The following SLC25A16 variants were observed in gnomAD, a reference collection of about 807,000 sequenced individuals.
The protein encoded by SLC25A16 is mitochondrial coenzyme A transporter SLC25A16.
SLC25A16 carries 39 observed loss-of-function variants against 41.5 expected under a neutral mutation model. The observed-to-expected ratio is 0.94, with a 90% CI of 0.73 to 1.23. The LOEUF is 1.23. Ranked by LOEUF, SLC25A16 falls within the 50% of genes most tolerant of loss-of-function variation. The pLI is 0.00. For missense variants in SLC25A16, 421 were observed against 426.9 expected (o/e 0.99, Z 0.12); for synonymous variants, 146 against 147.8 (o/e 0.99, Z 0.09).
intron 2 of SLC25A16, among the ~76,000 whole-genome samples, chr10:68,512,417 C>CA (rs1269582672): frequency 3.3e-5 from 3 of 90,752 alleles, no homozygotes; most frequent in African/African-American, 1.0e-4. Flanking sequence ...GCGGGCGGAT[C>CA]ACGAGGTCAG....
chr10:68,521,820 A>G (rs188928822), intron 1 of SLC25A16, among the ~76,000 whole-genome samples: 3,650 of 150,758 alleles, frequency 0.024, 153 homozygotes, highest in African/African-American at 0.084. Flanking sequence ...GATGGTCTCG[A>G]TCTCCTGACC....
chr10:68,495,704 C>T (rs1352370906), intron 4 of SLC25A16, among the ~76,000 whole-genome samples: 4 of 139,954 alleles, frequency 2.9e-5, no homozygotes, highest in Non-Finnish European at 6.1e-5. Context: ...AATCCTTGAA[C>T]CCGGGAGGCA....
At chr10:68,504,564 T>A (rs1209091616) in intron 3 of SLC25A16, among the ~76,000 whole-genome samples, 1 of 150,922 alleles carries the variant, frequency 6.6e-6, no homozygotes, top group Non-Finnish European at 1.5e-5. Context: ...GCCTCCTGAG[T>A]AGCTGGGTTT....
At chr10:68,489,765 G>T (rs999929070) in intron 6 of SLC25A16, among the ~76,000 whole-genome samples, 1 of 151,934 alleles carries the variant, frequency 6.6e-6, no homozygotes, top group Non-Finnish European at 1.5e-5. Flanking sequence ...GCTGGGTGTG[G>T]TGGTGCGCGC....
At chr10:68,491,705 AC>A (rs1437879293) in intron 6 of SLC25A16, among the ~76,000 whole-genome samples, 1 of 152,038 alleles carries the variant, frequency 6.6e-6, no homozygotes, top group East Asian at 1.9e-4. Context: ...TTGTTACCTG[AC>A]CTCCTGAGAA....
chr10:68,493,065 GAA>G (rs11288507), intron 6 of SLC25A16, 65 bp downstream of exon 6: 43,635 of 766,188 alleles, frequency 0.057, 776 homozygotes, highest in African/African-American at 0.15. Flanking sequence ...TACCATTTCA[GAA>G]AAAAAAAAAA....
rs1348012566 is a variant in SLC25A16, at chr10:68,521,624, C to T, written c.131-4781G>A. On this transcript the variant is annotated intron_variant, in intron 1 of 8. Coordinates refer to ENST00000609923, the MANE Select transcript of SLC25A16 (RefSeq NM_152707.4). The stretch of plus-strand genomic sequence containing the variant: ...TTTTTTTTTTTTTGAGACGGAGTCT[C>T]GCTCTGTCGCCCAGGCTGGAGTGCA... Among the ~76,000 whole-genome samples the T allele has an allele frequency of 7.3e-5, 10 of 137,230 alleles. No homozygotes were observed. The East Asian group carries it at 2.0e-3, about 27-fold the overall frequency. 90.0% of individuals were successfully genotyped at this position (137,230 alleles called of 152,430 possible).
chr10:68,489,729 T>C (rs892125649), intron 6 of SLC25A16, among the ~76,000 whole-genome samples: 1 of 151,756 alleles, frequency 6.6e-6, no homozygotes, highest in Non-Finnish European at 1.5e-5. Context: ...GGTGAAACCC[T>C]GTCTCTACAA....
rs1490331547 is a variant in SLC25A16 at position 68,491,257 on chromosome 10, G to C, written c.610+1875C>G. Among the ~76,000 whole-genome samples the C allele has an allele frequency of 2.0e-5, 3 of 148,626 alleles. No individual in the cohort carries two copies. In the Admixed American group the frequency reaches 2.0e-4, roughly 10 times the overall value. The stretch of plus-strand genomic sequence containing the variant: ...TTTTTCTTTTTTGAGACAGAGTTTT[G>C]CTCTTGTGGCCCAGACTGGAGTGCG... On this transcript the variant is annotated intron_variant, in intron 6 of 8. Coordinates refer to ENST00000609923, the MANE Select transcript of SLC25A16 (RefSeq NM_152707.4).
chr10:68,508,895 C>T (rs2053006249), intron 2 of SLC25A16, among the ~76,000 whole-genome samples: 1 of 152,074 alleles, frequency 6.6e-6, no homozygotes, highest in Non-Finnish European at 1.5e-5. Flanking sequence ...GAGGGGGTTT[C>T]AACTACACTG....
intron 2 of SLC25A16, among the ~76,000 whole-genome samples, chr10:68,509,299 T>C (rs1479641227): frequency 1.3e-5 from 2 of 152,098 alleles, no homozygotes; most frequent in African/African-American, 4.8e-5. Flanking sequence ...CCAGCGACAC[T>C]GCACTCCAGC....
chr10:68,493,304 C>A, intron 5 of SLC25A16, 106 bp from the exon 6 acceptor site: 1 of 1,121,768 alleles, frequency 8.9e-7, no homozygotes. Context: ...AGGGATCCAC[C>A]CTGAAACACA....
chr10:68,509,416 T>C (rs1590116033), intron 2 of SLC25A16, among the ~76,000 whole-genome samples: 1 of 152,042 alleles, frequency 6.6e-6, no homozygotes, highest in East Asian at 1.9e-4. Flanking sequence ...ATAATTTTAA[T>C]TTAAAATAAG....
intron 1 of SLC25A16, among the ~76,000 whole-genome samples, chr10:68,521,582 CTTTT>C (rs757080265): frequency 1.8e-4 from 20 of 110,314 alleles, no homozygotes; most frequent in East Asian, 5.4e-4. Flanking sequence ...TGCCTGTAAT[CTTTT>C]TTTTTTTTTT....
At position 68,527,390 on chromosome 10, in the gene SLC25A16, C is replaced by A; in HGVS notation, c.-15G>T. 6.8e-7 allele frequency: 1 copy of A among 1,469,168 alleles called. No homozygotes were observed. The highest frequency in any genetic ancestry group is 8.9e-7 in the Non-Finnish European group (1 of 1,119,008). 91.0% of individuals were successfully genotyped at this position (1,469,168 alleles called of 1,614,324 possible). A position where few individuals can be genotyped will look rare whatever the true frequency, so the allele number is the denominator to read the frequency against. On this transcript the variant is annotated 5_prime_UTR_variant, in exon 1 of 9. Coordinates refer to ENST00000609923, the MANE Select transcript of SLC25A16 (RefSeq NM_152707.4). ...GCCGCCGCCATCAGGACCAGGGTCG[C>A]GTCAGGAGCCTAGGTTGCCAACTTA...
chr10:68,521,426 G>C (rs2053247514), intron 1 of SLC25A16, among the ~76,000 whole-genome samples: 1 of 152,006 alleles, frequency 6.6e-6, no homozygotes, highest in Non-Finnish European at 1.5e-5. Context: ...CTACTGTGGA[G>C]TCTGAGGTGG....
intron 6 of SLC25A16, among the ~76,000 whole-genome samples, chr10:68,490,594 G>A (rs1253596527): frequency 7.3e-5 from 11 of 151,422 alleles, no homozygotes; most frequent in Non-Finnish European, 4.4e-5. Flanking sequence ...ACTCCCCCTC[G>A]GCCTCCCAAA....
In SLC25A16 at chr10:68,479,337, G is replaced by T. The variant is rs3945893; in HGVS notation, c.*4095C>A. ...GACACTGATAAACAGGCAGTTAGCA[G>T]AAAGTGTGGCACATACTCTATTAGA... On this transcript the variant is annotated 3_prime_UTR_variant, in exon 9 of 9. Coordinates refer to ENST00000609923, the MANE Select transcript of SLC25A16 (RefSeq NM_152707.4). 33,489 of 152,034 alleles carry T rather than the reference G, an allele frequency of 0.22. 4,652 individuals carry two copies. Among genetic ancestry groups the T allele is most frequent in the African/African-American group, 0.38 (15,657 of 41,422 alleles). 9.4% of individuals were successfully genotyped at this position (152,034 alleles called of 1,614,324 possible). A position where few individuals can be genotyped will look rare whatever the true frequency, so the allele number is the denominator to read the frequency against.
rs147392775 is a variant in SLC25A16 at position 68,493,497 on chromosome 10, T to A, written c.495A>T (p.Glu165Asp). 1 of 1,613,354 alleles carries A rather than the reference T, an allele frequency of 6.2e-7. No individual in the cohort carries two copies. The highest frequency in any genetic ancestry group is 8.5e-7 in the Non-Finnish European group (1 of 1,179,398). The change falls in exon 5 of 9, where the codon GAA becomes GAT. Residue 165 changes from glutamate to aspartate, a missense_variant. Glu to Asp is a conservative substitution (Grantham distance 45, BLOSUM62 2). Coordinates refer to ENST00000609923, the MANE Select transcript of SLC25A16 (RefSeq NM_152707.4). Reference protein sequence around the residue: ...RVRLAFQVKGEHSYTGIIHAF... With the variant: ...RVRLAFQVKGDHSYTGIIHAF... ...CATGAATAATTCCTGTATAGCTGTG[T>A]TCCCCTTTCACCTGGAATGCTAGGC...
Sources: allele counts gnomAD v4.1 joint callset (sites outside exome capture counted in the v4.1 genomes callset), GRCh38; gene constraint gnomAD v4.1.1; transcripts MANE v1.5; gene names NCBI Gene and HGNC (gene_info 2026-07-23, HGNC 2026-07-21).